The following CUBN variants were observed in gnomAD, a reference collection of about 807,000 sequenced individuals.
The protein encoded by CUBN is cubilin.
CUBN carries 282 observed loss-of-function variants against 405.3 expected under a neutral mutation model. That is an observed-to-expected ratio of 0.70 (90% confidence interval 0.63 to 0.77). CUBN has a LOEUF of 0.77. CUBN is among the 30% of genes least tolerant of loss of function. The probability of loss-of-function intolerance (pLI) is 0.00; values close to 1 mark genes in which losing one functional copy is unlikely to be tolerated. For missense variants in CUBN, 4,514 were observed against 4,475.2 expected (o/e 1.01, Z -0.25); for synonymous variants, 1,684 against 1,617.0 (o/e 1.04, Z -0.99).
At chr10:17,094,660 G>A (rs1836334469) in intron 14 of CUBN, among the ~76,000 whole-genome samples, 1 of 151,956 alleles carries the variant, frequency 6.6e-6, no homozygotes, top group Non-Finnish European at 1.5e-5. Flanking sequence ...ATTTACAATA[G>A]TGTCAAAAAG....
chr10:17,087,757 G>A (rs914951226), intron 15 of CUBN, among the ~76,000 whole-genome samples: 3 of 152,106 alleles, frequency 2.0e-5, no homozygotes, highest in Admixed American at 1.3e-4. Context: ...TTTCAGGCTT[G>A]AGCCACCACA....
chr10:17,068,474 A>G (rs1373249889), intron 20 of CUBN, 131 bp downstream of exon 20: 8 of 957,292 alleles, frequency 8.4e-6, no homozygotes, highest in Non-Finnish European at 1.1e-5. Context: ...TAGAAAATAT[A>G]CATTCTTTGT....
chr10:17,103,000 A>AG (rs2131299488), intron 13 of CUBN, 125 bp downstream of exon 13: 1 of 709,334 alleles, frequency 1.4e-6, no homozygotes, highest in Admixed American at 2.1e-5. Flanking sequence ...CTCCGTACTT[A>AG]GTAAGCACTC....
At chr10:16,849,961 T>C (rs910193344) in intron 60 of CUBN, among the ~76,000 whole-genome samples, 32 of 152,248 alleles carry the variant, frequency 2.1e-4, no homozygotes, top group African/African-American at 7.2e-4. Flanking sequence ...TTTCTCTATG[T>C]AGGCCATCTT....
At chr10:16,912,566 G>C (rs754585115) in intron 48 of CUBN, among the ~76,000 whole-genome samples, 3 of 152,190 alleles carry the variant, frequency 2.0e-5, no homozygotes, top group Non-Finnish European at 4.4e-5. Context: ...AAGGTACTTA[G>C]ACCTTATGGA....
intron 59 of CUBN, among the ~76,000 whole-genome samples, chr10:16,853,844 A>G (rs1564387120): frequency 6.6e-6 from 1 of 152,198 alleles, no homozygotes; most frequent in Non-Finnish European, 1.5e-5. Flanking sequence ...ACTTAAGCTT[A>G]TTGGCATGCG....
chr10:17,087,050 C>T (rs965334188), intron 15 of CUBN, among the ~76,000 whole-genome samples: 6 of 152,186 alleles, frequency 3.9e-5, no homozygotes, highest in African/African-American at 1.4e-4. Context: ...GTTTCAAATC[C>T]ATTATTGCTG....
intron 7 of CUBN, among the ~76,000 whole-genome samples, 187 bp downstream of exon 7, chr10:17,115,284 A>G (rs755443330): frequency 2.0e-5 from 3 of 151,242 alleles, no homozygotes; most frequent in Non-Finnish European, 2.9e-5. Context: ...ACATAATGAC[A>G]TCTTAATCTC....
intron 27 of CUBN, among the ~76,000 whole-genome samples, chr10:17,022,302 GA>G (rs1167973578): frequency 2.0e-5 from 3 of 152,138 alleles, no homozygotes; most frequent in Non-Finnish European, 4.4e-5. Context: ...GACAAGCTCA[GA>G]AGCCTATTAT....
At chr10:17,024,865 A>T (rs1834613779) in intron 27 of CUBN, among the ~76,000 whole-genome samples, 1 of 152,170 alleles carries the variant, frequency 6.6e-6, no homozygotes, top group South Asian at 2.1e-4. Context: ...TCTGTTTTAG[A>T]TTGACATCTA....
intron 17 of CUBN, among the ~76,000 whole-genome samples, chr10:17,075,073 C>CTTTTTTTTT (rs957929670): frequency 0.023 from 1,473 of 65,312 alleles, 7 homozygotes; most frequent in Non-Finnish European, 0.03. Flanking sequence ...TCTTTGTTTT[C>CTTTTTTTTT]TTTTTTTTTT....
chr10:17,053,880 A>C (rs1835326306), intron 22 of CUBN, among the ~76,000 whole-genome samples: 1 of 152,164 alleles, frequency 6.6e-6, no homozygotes, highest in Non-Finnish European at 1.5e-5. Context: ...TCATTTAACC[A>C]CAATAAAACT....
intron 2 of CUBN, 112 bp from the exon 3 acceptor site, chr10:17,128,036 C>T (rs1752653665): frequency 1.4e-6 from 1 of 724,820 alleles, no homozygotes; most frequent in Non-Finnish European, 2.3e-6. Context: ...GCACTAAGAT[C>T]TTGCCTATTA....
chr10:17,068,809 C>A lies in CUBN; in HGVS notation c.2626-39G>T, dbSNP rs749817708. 4.0e-6 allele frequency: 6 copies of A among 1,489,372 alleles called. No homozygotes were observed. The East Asian group carries it at 1.4e-4, about 34-fold the overall frequency. 92.3% of individuals were successfully genotyped at this position (1,489,372 alleles called of 1,614,324 possible). ...AGATATGTTCAAATATGTTGTATAT[C>A]AATTTTGAAAACTGCTTCAAGAATA... On this transcript the variant is annotated intron_variant, in intron 19 of 66. Coordinates refer to ENST00000377833, the MANE Select transcript of CUBN (RefSeq NM_001081.4).
chr10:16,828,989 T>C lies in CUBN; in HGVS notation c.10580A>G (p.Tyr3527Cys). 6.2e-7 allele frequency: 1 copy of C among 1,614,212 alleles called. No homozygotes were observed. Among genetic ancestry groups the C allele is most frequent in the Non-Finnish European group, 8.5e-7 (1 of 1,180,046 alleles). Residue 3527 changes from tyrosine to cysteine, a missense_variant, in exon 66 of 67, where the codon TAT becomes TGT. Coordinates refer to ENST00000377833, the MANE Select transcript of CUBN (RefSeq NM_001081.4). ...CGTGTTGTTTGGGTATGTGCCTGGA[T>C]AGCCGGGGCTGGTGAATGAGCCTCT... ...GDRGSFTSPG[Y>C]PGTYPNNTYC...
intron 28 of CUBN, among the ~76,000 whole-genome samples, chr10:16,997,724 C>T (rs930126926): frequency 6.6e-6 from 1 of 152,116 alleles, no homozygotes; most frequent in Non-Finnish European, 1.5e-5. Context: ...CTTAAAATGG[C>T]CAAAGTTGTC....
At chr10:16,900,930 T>G in intron 52 of CUBN, 80 bp from the exon 53 acceptor site, 1 of 987,712 alleles carries the variant, frequency 1.0e-6, no homozygotes, top group Admixed American at 2.2e-5. Context: ...AATCGTTTAA[T>G]TTTGTTTTTA....
intron 54 of CUBN, among the ~76,000 whole-genome samples, chr10:16,892,027 T>C (rs548320376): frequency 1.3e-5 from 2 of 152,254 alleles, no homozygotes; most frequent in South Asian, 2.1e-4. Flanking sequence ...TCCAAACACA[T>C]CTCTTCTCAA....
chr10:17,072,791 C>A (rs149942510), intron 17 of CUBN, among the ~76,000 whole-genome samples: 1 of 151,774 alleles, frequency 6.6e-6, no homozygotes, highest in Admixed American at 6.6e-5. Context: ...GACACAGATA[C>A]TAAGATTTTT....
Sources: gnomAD v4.1 joint callset for allele counts (sites outside exome capture counted in the v4.1 genomes callset) on GRCh38, gnomAD v4.1.1 for gene constraint, MANE v1.5 for transcripts, NCBI Gene and HGNC (gene_info 2026-07-23, HGNC 2026-07-21) for gene names.